KCNQ1: variants seen among roughly 807,000 people sequenced by gnomAD.
KCNQ1 encodes potassium voltage-gated channel subfamily Q member 1.
A neutral mutation model predicts 72.4 loss-of-function variants in KCNQ1; 49 were observed. That is an observed-to-expected ratio of 0.68 (90% CI 0.54 to 0.86). KCNQ1 has a LOEUF of 0.86. Ranked by LOEUF, KCNQ1 falls within the 40% of genes least tolerant of loss-of-function variation. KCNQ1 has a pLI of 0.00. For synonymous variants in KCNQ1, 450 were observed against 412.6 expected (o/e 1.09, Z -1.10); for missense variants, 790 against 945.1 (o/e 0.84, Z 2.15).
chr11:2,800,236 A>G (rs1847232048), intron 15 of KCNQ1, among the ~76,000 whole-genome samples: 4 of 152,176 alleles, frequency 2.6e-5, no homozygotes, highest in African/African-American at 4.8e-5. Flanking sequence ...TTCCTGCTCC[A>G]TCCCAGTGGC....
chr11:2,776,039 A>G lies in KCNQ1; in HGVS notation c.1670A>G (p.Lys557Arg). The change falls in exon 13 of 16, where the codon AAG becomes AGG. Residue 557 changes from lysine (K) to arginine (R), a missense_variant. Lys to Arg is a conservative substitution (Grantham distance 26). This residue lies in a region of KCNQ1 where 91 missense variants were observed against 139.1 expected (regional missense o/e 0.65). Coordinates refer to ENST00000155840, the MANE Select transcript of KCNQ1 (RefSeq NM_000218.3). Reference sequence around the variant, plus strand: ...CACCTCAACCTCATGGTGCGCATCAAGGAGCTGCAGAGGAGGTGGGCACGG... The same window carrying G: ...CACCTCAACCTCATGGTGCGCATCAGGGAGCTGCAGAGGAGGTGGGCACGG... ...QGHLNLMVRI[K>R]ELQRRLDQSI... The G allele has an allele frequency of 6.4e-7, 1 of 1,564,070 alleles. No individual in the cohort carries two copies.
At chr11:2,618,507 C>G (rs1034416211) in intron 10 of KCNQ1, 3 of 398,510 alleles carry the variant, frequency 7.5e-6, no homozygotes, top group Admixed American at 4.4e-5. Flanking sequence ...ATTGGTTGAT[C>G]ATATATCTTT....
At chr11:2,662,498 C>T in intron 11 of KCNQ1, 1 of 446,578 alleles carries the variant, frequency 2.2e-6, no homozygotes, top group Admixed American at 3.8e-5. Flanking sequence ...CTGCTGTCCT[C>T]AGGGGCTCCT....
At position 2,698,821 on chromosome 11, in the gene KCNQ1, A is replaced by C; in HGVS notation, c.1514+36740A>C. ...GACTCCCGATCCTCTGTCCCTAATG[A>C]GGCCCTACCTAAAACCACCATGCGG... On this transcript the variant is annotated intron_variant, in intron 11 of 15. Transcript: ENST00000155840. The surrounding 1 kb of genome is among the most constrained non-coding windows in gnomAD (Gnocchi z 5.1). 2.5e-6 allele frequency: 1 copy of C among 398,714 alleles called. No homozygotes were observed. The highest frequency in any genetic ancestry group is 4.4e-5 in the Admixed American group (1 of 22,714). 24.7% of individuals were successfully genotyped at this position (398,714 alleles called of 1,614,324 possible). A position where few individuals can be genotyped will look rare whatever the true frequency, so the allele number is the denominator to read the frequency against.
intron 11 of KCNQ1, among the ~76,000 whole-genome samples, chr11:2,739,529 A>G (rs917581426): frequency 6.6e-6 from 1 of 152,196 alleles, no homozygotes; most frequent in Non-Finnish European, 1.5e-5. Flanking sequence ...ACATTACTCT[A>G]ATGAAATACC....
At chr11:2,686,049 T>G (rs1564857892) in intron 11 of KCNQ1, 2 of 399,250 alleles carry the variant, frequency 5.0e-6, no homozygotes. Flanking sequence ...CACCATCTGA[T>G]GGGGCAGGGG....
At chr11:2,506,131 G>A (rs11023094) in intron 1 of KCNQ1, among the ~76,000 whole-genome samples, 47,772 of 152,030 alleles carry the variant, frequency 0.31, 9,969 homozygotes, top group African/African-American at 0.58. Context: ...CTTCAATGTC[G>A]TATTCAAGAA....
chr11:2,770,819 C>T (rs990272970), intron 12 of KCNQ1, among the ~76,000 whole-genome samples: 16 of 152,212 alleles, frequency 1.1e-4, no homozygotes, highest in African/African-American at 2.7e-4. Flanking sequence ...GGAGCTCACT[C>T]GGGGGCAATG....
rs1850265626 is a variant in KCNQ1, at chr11:2,674,895, G to A, written c.1514+12814G>A. The A allele has an allele frequency of 2.6e-6, 1 of 383,888 alleles. No homozygotes were observed. The highest frequency in any genetic ancestry group is 4.5e-6 in the Non-Finnish European group (1 of 221,368). 23.8% of individuals were successfully genotyped at this position (383,888 alleles called of 1,614,324 possible). A position where few individuals can be genotyped will look rare whatever the true frequency, so the allele number is the denominator to read the frequency against. Reference sequence around the variant, plus strand: ...GCACCTTGGCTGCAGGGTCTGAAAAGTCCTTTGTGTTAGCTCCAGCTGCAG... The same window carrying A: ...GCACCTTGGCTGCAGGGTCTGAAAAATCCTTTGTGTTAGCTCCAGCTGCAG... On this transcript the variant is annotated intron_variant, in intron 11 of 15. Coordinates refer to ENST00000155840, the MANE Select transcript of KCNQ1 (RefSeq NM_000218.3). This position sits in a 1 kb window ranked among gnomAD's most constrained non-coding sequence, Gnocchi z 5.9.
rs796447948 is a variant in KCNQ1, at chr11:2,601,991, T to TC, written c.1393+13139dup. Among the ~76,000 whole-genome samples, 8 of 152,278 alleles carry TC rather than the reference T, an allele frequency of 5.3e-5. No homozygotes were observed. Among genetic ancestry groups the TC allele is most frequent in the African/African-American group, 1.7e-4 (7 of 41,564 alleles). On this transcript the variant is annotated intron_variant, in intron 10 of 15. Transcript: ENST00000155840. The surrounding 1 kb of genome is among the most constrained non-coding windows in gnomAD (Gnocchi z 5.2). ...TAAGGACCTTGAGATGGAGAGATCA[T>TC]CCTGGGTTATCTGAATGGGCCCGGT...
chr11:2,524,174 G>A (rs767492942), intron 1 of KCNQ1, among the ~76,000 whole-genome samples: 7 of 152,158 alleles, frequency 4.6e-5, no homozygotes, highest in East Asian at 3.9e-4. Context: ...AGAGACGGGA[G>A]GATGGAAGCC....
At chr11:2,552,360 T>A (rs1393700287) in intron 2 of KCNQ1, among the ~76,000 whole-genome samples, 1 of 152,242 alleles carries the variant, frequency 6.6e-6, no homozygotes, top group Non-Finnish European at 1.5e-5. Flanking sequence ...ATTGAATTAC[T>A]TTGGCACCTT....
chr11:2,604,555 C>CT (rs1004535257), intron 10 of KCNQ1, among the ~76,000 whole-genome samples: 37 of 151,302 alleles, frequency 2.4e-4, no homozygotes, highest in Non-Finnish European at 2.5e-4. Flanking sequence ...TGATCACTAT[C>CT]TTTTTTTTGA....
intron 11 of KCNQ1, among the ~76,000 whole-genome samples, chr11:2,717,589 G>A (rs1359046178): frequency 6.6e-6 from 1 of 152,182 alleles, no homozygotes; most frequent in Non-Finnish European, 1.5e-5. Flanking sequence ...GGAGGTCACG[G>A]CCCCACCCAG....
Position 2,479,436 on chromosome 11 carries a change from C to T in KCNQ1, c.386+33952C>T, listed in dbSNP as rs1846621345. On this transcript the variant is annotated intron_variant, in intron 1 of 15. Coordinates refer to ENST00000155840, the MANE Select transcript of KCNQ1 (RefSeq NM_000218.3). This position sits in a 1 kb window ranked among gnomAD's most constrained non-coding sequence, Gnocchi z 4.6. Reference sequence around the variant, plus strand: ...CTTTCCATACCTCAATTCTTGACTTCTGTGCACCCACAGGCTCAACACCAC... The same window carrying T: ...CTTTCCATACCTCAATTCTTGACTTTTGTGCACCCACAGGCTCAACACCAC... Among the ~76,000 whole-genome samples, 1 of 152,260 alleles carries T rather than the reference C, an allele frequency of 6.6e-6. No homozygotes were observed. Among genetic ancestry groups the T allele is most frequent in the African/African-American group, 2.4e-5 (1 of 41,476 alleles).
chr11:2,455,356 C>T (rs1222474963), intron 1 of KCNQ1, among the ~76,000 whole-genome samples: 1 of 152,184 alleles, frequency 6.6e-6, no homozygotes, highest in African/African-American at 2.4e-5. Context: ...CCTTGGCCTC[C>T]CAAAGTGCTG....
At position 2,711,445 on chromosome 11, in the gene KCNQ1, G is replaced by A. The variant is rs567354683; in HGVS notation, c.1514+49364G>A. Among the ~76,000 whole-genome samples the A allele has an allele frequency of 9.9e-5, 15 of 152,238 alleles. No homozygotes were observed. Among genetic ancestry groups the A allele is most frequent in the East Asian group, 7.7e-4 (4 of 5,172 alleles). On this transcript the variant is annotated intron_variant, in intron 11 of 15. Coordinates refer to ENST00000155840, the MANE Select transcript of KCNQ1 (RefSeq NM_000218.3). This position sits in a 1 kb window ranked among gnomAD's most constrained non-coding sequence, Gnocchi z 5.4. ...CTCTCTCCTCCCTTTTCTGTGAGCC[G>A]TCATGAAACACCTCCTGTGGGCTTA...
intron 11 of KCNQ1, chr11:2,672,373 A>G (rs1326614878): frequency 7.5e-6 from 3 of 398,372 alleles, no homozygotes; most frequent in Non-Finnish European, 1.3e-5. Flanking sequence ...TCACAGGCTG[A>G]TATGATTGAG....
chr11:2,479,653 A>C lies in KCNQ1; in HGVS notation c.386+34169A>C, dbSNP rs1292932942. 1.3e-5 allele frequency among the ~76,000 whole-genome samples: 2 copies of C among 152,186 alleles called. No homozygotes were observed. Among genetic ancestry groups the C allele is most frequent in the African/African-American group, 4.8e-5 (2 of 41,440 alleles). On this transcript the variant is annotated intron_variant, in intron 1 of 15. Coordinates refer to ENST00000155840, the MANE Select transcript of KCNQ1 (RefSeq NM_000218.3). The surrounding 1 kb of genome is among the most constrained non-coding windows in gnomAD (Gnocchi z 4.6). Reference sequence around the variant, plus strand: ...CCTAGGCCTCTGGGCCTGGGATGGGAGGGGCTGCTCCTAAGGTCTCTGACA... The same window carrying C: ...CCTAGGCCTCTGGGCCTGGGATGGGCGGGGCTGCTCCTAAGGTCTCTGACA...
Sources: allele counts gnomAD v4.1 joint callset (sites outside exome capture counted in the v4.1 genomes callset), GRCh38; gene constraint gnomAD v4.1.1; regional missense constraint gnomAD v4.1.1; non-coding constraint Gnocchi (gnomAD v3.1); transcripts MANE v1.5; gene names NCBI Gene and HGNC (gene_info 2026-07-23, HGNC 2026-07-21).